Variants in ZSCAN29 observed in about 807,000 individuals in gnomAD.
The protein encoded by ZSCAN29 is zinc finger and SCAN domain-containing protein 29.
ZSCAN29 carries 55 observed loss-of-function variants against 71.9 expected under a neutral mutation model. That is an observed-to-expected ratio of 0.76 (90% CI 0.62 to 0.96). The LOEUF is 0.96. Among genes scored for constraint, ZSCAN29 ranks in the 40% least tolerant of loss-of-function variants. ZSCAN29 has a pLI of 0.00. For missense variants in ZSCAN29, 1,042 were observed against 1,042.2 expected (o/e 1.00, Z 0.00); for synonymous variants, 351 against 371.6 (o/e 0.94, Z 0.64).
chr15:43,366,564 G>A lies in ZSCAN29; in HGVS notation c.768C>T (p.Leu256=), dbSNP rs761900367. 1 of 1,614,206 alleles carries A rather than the reference G, an allele frequency of 6.2e-7. No individual in the cohort carries two copies. Among genetic ancestry groups the A allele is most frequent in the Non-Finnish European group, 8.5e-7 (1 of 1,180,044 alleles). ...VHWGYEETRT[L]LAILSQTEFY... ...ACTCAGTCTGGCTGAGAATTGCGAG[G>A]AGCGTTCTGGTCTCTTCATAGCCCC... is the stretch of plus-strand genomic sequence containing the variant. The change falls in exon 4 of 6, where the codon CTC becomes CTT. Residue 256 remains leucine, a synonymous_variant. Transcript: ENST00000684362.
chr15:43,364,892 C>CAAAAAAAAAAAAA (rs57976198), intron 4 of ZSCAN29, among the ~76,000 whole-genome samples: 2 of 38,928 alleles, frequency 5.1e-5, no homozygotes, highest in African/African-American at 8.7e-5. Flanking sequence ...GACTCTGTCT[C>CAAAAAAAAAAAAA]AAAAAAAAAA....
At chr15:43,368,822 A>C in intron 3 of ZSCAN29, 101 bp downstream of exon 3, 1 of 1,135,518 alleles carries the variant, frequency 8.8e-7, no homozygotes, top group Middle Eastern at 3.1e-4. Context: ...ATATTCTGCA[A>C]TTTCCACTTA....
Position 43,368,922 on chromosome 15 carries a change from C to A in ZSCAN29, c.523+1G>T. ...TCTTCCCATATGAATCTACTCCTCA[C>A]CGCTCCTTTGAAAAGGTTTGAGCTT... On this transcript the variant is annotated splice_donor_variant, in intron 3 of 5. Coordinates refer to ENST00000684362, the MANE Select transcript of ZSCAN29 (RefSeq NM_001372080.1). LOFTEE classifies it high-confidence loss of function. 6.3e-7 allele frequency: 1 copy of A among 1,599,902 alleles called. No homozygotes were observed. Among genetic ancestry groups the A allele is most frequent in the Non-Finnish European group, 8.5e-7 (1 of 1,173,648 alleles).
chr15:43,368,854 TCA>T lies in ZSCAN29; in HGVS notation c.523+67_523+68del. 4 of 1,392,202 alleles carry T rather than the reference TCA, an allele frequency of 2.9e-6. No individual in the cohort carries two copies. In the Admixed American group the frequency reaches 9.5e-5, roughly 33 times the overall value. 86.2% of individuals were successfully genotyped at this position (1,392,202 alleles called of 1,614,324 possible). On this transcript the variant is annotated intron_variant, in intron 3 of 5. Coordinates refer to ENST00000684362, the MANE Select transcript of ZSCAN29 (RefSeq NM_001372080.1). ...CTTACTCCTGAAATCCCTTTCCCACTCACTATTCCCAACCCTACTTCCCAACT... is the reference window on the plus strand; with the variant it reads ...CTTACTCCTGAAATCCCTTTCCCACTCTATTCCCAACCCTACTTCCCAACT...
At position 43,359,275 on chromosome 15, in the gene ZSCAN29, T is replaced by G. The variant is rs1178093956; in HGVS notation, c.*1798A>C. 6.6e-6 allele frequency: 1 copy of G among 152,248 alleles called. No individual in the cohort carries two copies. Among genetic ancestry groups the G allele is most frequent in the South Asian group, 2.1e-4 (1 of 4,830 alleles). The allele number at this position is 152,248 out of a possible 1,614,324, so 9.4% of individuals were successfully genotyped here. The stretch of plus-strand genomic sequence containing the variant: ...TAGATTTCTCTAAAACTGCCGCAAC[T>G]ATGCATGTGCACTTGTTTGTCCATG... On this transcript the variant is annotated 3_prime_UTR_variant, in exon 6 of 6. Coordinates refer to ENST00000684362, the MANE Select transcript of ZSCAN29 (RefSeq NM_001372080.1).
chr15:43,364,079 G>T lies in ZSCAN29; in HGVS notation c.1526C>A (p.Thr509Asn). 1 of 1,614,164 alleles carries T rather than the reference G, an allele frequency of 6.2e-7. No homozygotes were observed. The highest frequency in any genetic ancestry group is 8.5e-7 in the Non-Finnish European group (1 of 1,180,038). The change falls in exon 5 of 6, where the codon ACT becomes AAT. Residue 509 changes from threonine (T) to asparagine (N), a missense_variant. Physicochemically the swap from Thr to Asn is moderately conservative, Grantham distance 65 (BLOSUM62 0). Transcript: ENST00000684362. ...AAPPNDGQEE[T>N]ASCPVQGTSE... ...GGTCCCCTGGACGGGGCAAGAAGCA[G>T]TCTCTTCCTGGCCATCATTGGGTGG...
intron 5 of ZSCAN29, 114 bp from the exon 6 acceptor site, chr15:43,362,055 C>G: frequency 1.9e-6 from 2 of 1,062,160 alleles, no homozygotes; most frequent in Non-Finnish European, 2.7e-6. Context: ...TTAGGGAGCC[C>G]TAGATCCCAA....
At chr15:43,362,631 A>G (rs1009200002) in intron 5 of ZSCAN29, among the ~76,000 whole-genome samples, 1 of 152,134 alleles carries the variant, frequency 6.6e-6, no homozygotes. Flanking sequence ...GTATCAGCCC[A>G]TGTTTGTACC....
rs1309129784 is a variant in ZSCAN29, at chr15:43,359,084, A to C, written c.*1989T>G. ...CACTCAATTTTGCAACTAGTTATGG[A>C]AAGTTCTTCCTATCATAATTTAACC... is the stretch of plus-strand genomic sequence containing the variant. On this transcript the variant is annotated 3_prime_UTR_variant, in exon 6 of 6. Coordinates refer to ENST00000684362, the MANE Select transcript of ZSCAN29 (RefSeq NM_001372080.1). 2 of 152,212 alleles carry C rather than the reference A, an allele frequency of 1.3e-5. No individual in the cohort carries two copies. Among genetic ancestry groups the C allele is most frequent in the East Asian group, 3.9e-4 (2 of 5,194 alleles). 9.4% of individuals were successfully genotyped at this position (152,212 alleles called of 1,614,324 possible). A position where few individuals can be genotyped will look rare whatever the true frequency, so the allele number is the denominator to read the frequency against.
In ZSCAN29 at chr15:43,360,992, ATAG is replaced by A; in HGVS notation, c.*78_*80del. On this transcript the variant is annotated 3_prime_UTR_variant, in exon 6 of 6. Coordinates refer to ENST00000684362, the MANE Select transcript of ZSCAN29 (RefSeq NM_001372080.1). The stretch of plus-strand genomic sequence containing the variant: ...ATTTCCTAAGCTAACTGGACACAGA[ATAG>A]TAGATGAATCTCACTATTGGAAGAC... 4 of 1,490,714 alleles carry A rather than the reference ATAG, an allele frequency of 2.7e-6. No homozygotes were observed. Among genetic ancestry groups the A allele is most frequent in the Non-Finnish European group, 3.6e-6 (4 of 1,113,866 alleles). The allele number at this position is 1,490,714 out of a possible 1,614,324, so 92.3% of individuals were successfully genotyped here.
chr15:43,364,974 T>C (rs1002520984), intron 4 of ZSCAN29, among the ~76,000 whole-genome samples: 2 of 148,840 alleles, frequency 1.3e-5, no homozygotes, highest in African/African-American at 5.0e-5. Context: ...TTAATTAACC[T>C]ACATATATTT....
In ZSCAN29 at chr15:43,361,924, C is replaced by G. The variant is rs549066454; in HGVS notation, c.1708G>C (p.Glu570Gln). The change falls in exon 6 of 6, where the codon GAG becomes CAG. Residue 570 changes from glutamate to glutamine, a missense_variant. Transcript: ENST00000684362. Reference sequence around the variant, plus strand: ...TCCCGTTTTGAATTATCTTCATTCTCAAATCCAGCTTCAAAACCTGATGTA... The same window carrying G: ...TCCCGTTTTGAATTATCTTCATTCTGAAATCCAGCTTCAAAACCTGATGTA... ...QSPRGFEAGF[E>Q]NEDNSKRDIS... 7.5e-6 allele frequency: 12 copies of G among 1,608,476 alleles called. No homozygotes were observed. The South Asian group carries it at 1.3e-4, about 18-fold the overall frequency.
chr15:43,366,873 T>A, intron 3 of ZSCAN29, 65 bp from the exon 4 acceptor site: 2 of 1,434,626 alleles, frequency 1.4e-6, no homozygotes, highest in Non-Finnish European at 1.9e-6. Flanking sequence ...AATCTTGAAA[T>A]TCAGTCCTGC....
In ZSCAN29 at chr15:43,366,255, A is replaced by C. The variant is rs1448211587; in HGVS notation, c.1077T>G (p.Thr359=). 6.2e-7 allele frequency: 1 copy of C among 1,613,394 alleles called. No homozygotes were observed. The highest frequency in any genetic ancestry group is 8.5e-7 in the Non-Finnish European group (1 of 1,180,012). ...GCCAGCCCCTCTGCCCTGGCTCTTC[A>C]GTCTCAGCATCGCTGCCTACCAGGC... is the stretch of plus-strand genomic sequence containing the variant. The part of the protein sequence containing the change: ...HSGLVGSDAE[T]EEPGQRGWQH... Residue 359 remains threonine, a synonymous_variant, in exon 4 of 6, where the codon ACT becomes ACG. Transcript: ENST00000684362.
Position 43,358,905 on chromosome 15 carries a change from C to T in ZSCAN29, c.*2168G>A, listed in dbSNP as rs1350748236. The T allele has an allele frequency of 2.0e-5, 3 of 152,394 alleles. No individual in the cohort carries two copies. The East Asian group carries it at 5.8e-4, about 29-fold the overall frequency. The allele number at this position is 152,394 out of a possible 1,614,324, so 9.4% of individuals were successfully genotyped here. A position where few individuals can be genotyped will look rare whatever the true frequency, so the allele number is the denominator to read the frequency against. On this transcript the variant is annotated 3_prime_UTR_variant, in exon 6 of 6. Coordinates refer to ENST00000684362, the MANE Select transcript of ZSCAN29 (RefSeq NM_001372080.1). Reference sequence around the variant, plus strand: ...CCCATGTTTCAGCTAAGGTGATTCTCTCTGCCTGCTGCACAGCCCATATCA... The same window carrying T: ...CCCATGTTTCAGCTAAGGTGATTCTTTCTGCCTGCTGCACAGCCCATATCA...
At position 43,361,548 on chromosome 15, in the gene ZSCAN29, CT is replaced by C. The variant is rs774795151; in HGVS notation, c.2083del (p.Arg695AspfsTer152). On this transcript the variant is annotated frameshift_variant, in exon 6 of 6. Transcript: ENST00000684362. LOFTEE classifies it high-confidence loss of function. ...KSFSRSARLIRHRRIHTGEKP... is the reference protein window; with the variant it reads ...KSFSRSARLIXHRRIHTGEKP... ...CTCTCCAGTGTGGATTCTCCGGTGT[CT>C]AATGAGTCGTGCACTCCGACTGAAG... The C allele has an allele frequency of 6.2e-7, 1 of 1,614,116 alleles. No homozygotes were observed. The highest frequency in any genetic ancestry group is 2.2e-5 in the East Asian group (1 of 44,876).
intron 3 of ZSCAN29, 112 bp from the exon 4 acceptor site, chr15:43,366,920 G>C (rs568284530): frequency 9.4e-7 from 1 of 1,062,294 alleles, no homozygotes; most frequent in Non-Finnish European, 1.3e-6. Context: ...AAAGTGTCTA[G>C]GGAAATGTTT....
In ZSCAN29 at chr15:43,370,995, C is replaced by CCCGGCT. The variant is rs1354654834; in HGVS notation, c.-551_-550insAGCCGG. 6.1e-6 allele frequency: 2 copies of CCCGGCT among 330,412 alleles called. No individual in the cohort carries two copies. The highest frequency in any genetic ancestry group is 1.2e-5 in the Non-Finnish European group (2 of 173,264). 20.5% of individuals were successfully genotyped at this position (330,412 alleles called of 1,614,324 possible). On this transcript the variant is annotated 5_prime_UTR_variant, in exon 1 of 6. Coordinates refer to ENST00000684362, the MANE Select transcript of ZSCAN29 (RefSeq NM_001372080.1). ...CCCTGACCCCGGCCCCGGCCCCGGC[C>CCCGGCT]CCGGCCCCGGCTCTCCAGCCTCCCA...
chr15:43,366,245 C>G lies in ZSCAN29; in HGVS notation c.1087G>C (p.Gly363Arg). ...TCCTCATGCTGCCAGCCCCTCTGCC[C>G]TGGCTCTTCAGTCTCAGCATCGCTG... ...VGSDAETEEP[G>R]QRGWQHEEGA... Residue 363 changes from glycine (G) to arginine (R), a missense_variant, in exon 4 of 6, where the codon GGG becomes CGG. Physicochemically the swap from Gly to Arg is moderately radical, Grantham distance 125 (BLOSUM62 -2). Coordinates refer to ENST00000684362, the MANE Select transcript of ZSCAN29 (RefSeq NM_001372080.1). 1 of 1,613,798 alleles carries G rather than the reference C, an allele frequency of 6.2e-7. No homozygotes were observed. The highest frequency in any genetic ancestry group is 8.5e-7 in the Non-Finnish European group (1 of 1,180,038).
Sources: gnomAD v4.1 joint callset for allele counts (sites outside exome capture counted in the v4.1 genomes callset) on GRCh38, gnomAD v4.1.1 for gene constraint, MANE v1.5 for transcripts, NCBI Gene and HGNC (gene_info 2026-07-23, HGNC 2026-07-21) for gene names.